Variants in EMCN observed in about 807,000 individuals in gnomAD.
EMCN encodes MUC-14.
In EMCN, 37 loss-of-function variants were observed where a neutral mutation model predicts 38.4. The observed-to-expected ratio is 0.96, with a 90% CI of 0.74 to 1.27. The LOEUF (loss-of-function observed/expected upper bound fraction) is 1.27. EMCN is among the 50% of genes most tolerant of loss of function. The probability of loss-of-function intolerance (pLI) is 0.00; values close to 1 mark genes in which losing one functional copy is unlikely to be tolerated. For synonymous variants in EMCN, 95 were observed against 100.8 expected (o/e 0.94, Z 0.35); for missense variants, 318 against 302.8 (o/e 1.05, Z -0.37).
intron 3 of EMCN, among the ~76,000 whole-genome samples, chr4:100,470,263 T>A (rs551837172): frequency 6.6e-6 from 1 of 151,780 alleles, no homozygotes. Flanking sequence ...AAGACATACA[T>A]GTAGCCAACA....
At chr4:100,457,527 C>A (rs931594183) in intron 4 of EMCN, among the ~76,000 whole-genome samples, 5 of 152,048 alleles carry the variant, frequency 3.3e-5, no homozygotes, top group African/African-American at 1.2e-4. Flanking sequence ...TAAATTTTGT[C>A]AAATGTTTTT....
intron 1 of EMCN, among the ~76,000 whole-genome samples, chr4:100,503,359 G>C (rs1729399560): frequency 6.6e-6 from 1 of 150,942 alleles, no homozygotes; most frequent in Non-Finnish European, 1.5e-5. Flanking sequence ...AAAATTATTG[G>C]CATAAGGCTT....
chr4:100,396,043 A>T lies in EMCN; in HGVS notation c.*2370T>A, dbSNP rs1726109976. ...AAAAACTTACAGTAAGCCAGGCATA[A>T]AAAGTAGATCATCTAAATCAGATAA... is the stretch of plus-strand genomic sequence containing the variant. On this transcript the variant is annotated 3_prime_UTR_variant, in exon 12 of 12. Transcript: ENST00000296420. 6.6e-6 allele frequency: 1 copy of T among 152,172 alleles called. No individual in the cohort carries two copies. The highest frequency in any genetic ancestry group is 2.4e-5 in the African/African-American group (1 of 41,452). 9.4% of individuals were successfully genotyped at this position (152,172 alleles called of 1,614,324 possible).
chr4:100,504,600 G>A (rs1226477337), intron 1 of EMCN, among the ~76,000 whole-genome samples: 1 of 152,204 alleles, frequency 6.6e-6, no homozygotes, highest in Non-Finnish European at 1.5e-5. Flanking sequence ...GGGAGATAGT[G>A]AGAAGTGACC....
At chr4:100,420,289 A>T (rs1320413496) in intron 8 of EMCN, among the ~76,000 whole-genome samples, 1 of 152,054 alleles carries the variant, frequency 6.6e-6, no homozygotes, top group Non-Finnish European at 1.5e-5. Flanking sequence ...CTGTAGTAAT[A>T]CAATTAAAGG....
chr4:100,425,084 T>A (rs902174891), intron 5 of EMCN, among the ~76,000 whole-genome samples: 1 of 151,848 alleles, frequency 6.6e-6, no homozygotes, highest in African/African-American at 2.4e-5. Context: ...GAACAAATAC[T>A]TTAAAAATTT....
chr4:100,477,296 A>G (rs570211725), intron 2 of EMCN, among the ~76,000 whole-genome samples: 1 of 152,336 alleles, frequency 6.6e-6, no homozygotes, highest in East Asian at 1.9e-4. Context: ...TTTTTATCCT[A>G]GAAGTTCATT....
intron 1 of EMCN, among the ~76,000 whole-genome samples, chr4:100,488,933 GA>G (rs1235398804): frequency 2.0e-5 from 3 of 152,074 alleles, no homozygotes; most frequent in Non-Finnish European, 4.4e-5. Flanking sequence ...TTAAGTTACA[GA>G]AAATGTAACT....
intron 5 of EMCN, chr4:100,446,376 T>A (rs1184913152): frequency 5.6e-6 from 1 of 177,494 alleles, no homozygotes; most frequent in Non-Finnish European, 1.1e-5. Flanking sequence ...TAGAAGAAGA[T>A]AATTATTAAA....
intron 3 of EMCN, among the ~76,000 whole-genome samples, chr4:100,467,051 A>G (rs889154517): frequency 4.6e-5 from 7 of 152,148 alleles, no homozygotes; most frequent in African/African-American, 1.7e-4. Flanking sequence ...AAGAAAGGAG[A>G]AAAATAATGG....
intron 1 of EMCN, among the ~76,000 whole-genome samples, chr4:100,514,164 A>T (rs1160345003): frequency 6.6e-6 from 1 of 152,066 alleles, no homozygotes; most frequent in South Asian, 2.1e-4. Flanking sequence ...TTAATTTACC[A>T]TTGAACATCT....
chr4:100,442,586 T>G lies in EMCN; in HGVS notation c.415+4947A>C, dbSNP rs112334286. Among the ~76,000 whole-genome samples the G allele has an allele frequency of 4.6e-3, 702 of 152,218 alleles. 7 individuals are homozygous for G. The highest frequency in any genetic ancestry group is 0.016 in the African/African-American group (669 of 41,562). On this transcript the variant is annotated intron_variant, in intron 5 of 11. Coordinates refer to ENST00000296420, the MANE Select transcript of EMCN (RefSeq NM_016242.4). ...CTATTTTTTATTCTTTTTCCTCTGA[T>G]GGAGTAATTTCAGAAGACCTATCTT...
intron 7 of EMCN, among the ~76,000 whole-genome samples, chr4:100,422,813 C>T (rs57041437): frequency 0.57 from 74,162 of 130,072 alleles, 22,658 homozygotes; most frequent in African/African-American, 0.83. Context: ...TTCTTTCTTT[C>T]TTTCTTTTCT....
intron 1 of EMCN, among the ~76,000 whole-genome samples, chr4:100,500,898 A>T (rs939069431): frequency 6.6e-6 from 1 of 151,878 alleles, no homozygotes; most frequent in Non-Finnish European, 1.5e-5. Context: ...AGTCAGCCAA[A>T]TTTTTTGACT....
chr4:100,467,122 A>G (rs1056328536), intron 3 of EMCN, among the ~76,000 whole-genome samples: 5 of 152,210 alleles, frequency 3.3e-5, no homozygotes, highest in Non-Finnish European at 5.9e-5. Context: ...TAAATGTGGA[A>G]TATACTTCAC....
chr4:100,466,994 T>C (rs1728334713), intron 3 of EMCN, among the ~76,000 whole-genome samples: 1 of 152,046 alleles, frequency 6.6e-6, no homozygotes, highest in African/African-American at 2.4e-5. Context: ...GGAAAGAGTA[T>C]ATATAGCTAA....
chr4:100,421,200 C>T, intron 8 of EMCN, 82 bp downstream of exon 8: 2 of 1,196,752 alleles, frequency 1.7e-6, no homozygotes, highest in Non-Finnish European at 2.5e-6. Context: ...TAACTTTTCT[C>T]TCCCTTTAAG....
At chr4:100,478,827 T>C (rs780166643) in intron 2 of EMCN, among the ~76,000 whole-genome samples, 3 of 152,066 alleles carry the variant, frequency 2.0e-5, no homozygotes, top group Non-Finnish European at 4.4e-5. Context: ...AAATGGGTAA[T>C]ATAAATCAGT....
chr4:100,400,353 A>ATTTTTTTT (rs3214622), intron 11 of EMCN, among the ~76,000 whole-genome samples: 4 of 146,748 alleles, frequency 2.7e-5, no homozygotes, highest in African/African-American at 5.0e-5. Context: ...CCTAGGCCAC[A>ATTTTTTTT]TTTTTTTTTT....
Sources: gnomAD v4.1 joint callset for allele counts (sites outside exome capture counted in the v4.1 genomes callset) on GRCh38, gnomAD v4.1.1 for gene constraint, MANE v1.5 for transcripts, NCBI Gene and HGNC (gene_info 2026-07-23, HGNC 2026-07-21) for gene names.